Variants in ATP8A2 observed in about 807,000 individuals in gnomAD.
ATP8A2 encodes phospholipid-transporting ATPase IB.
Under a neutral mutation model 165.6 loss-of-function variants are expected in ATP8A2, and 100 were observed. That is an observed-to-expected ratio of 0.60 (90% confidence interval 0.51 to 0.71). ATP8A2 has a LOEUF of 0.71. Ranked by LOEUF, ATP8A2 falls within the 30% of genes least tolerant of loss-of-function variation. The pLI is 0.00. For synonymous variants in ATP8A2, 543 were observed against 548.8 expected (o/e 0.99, Z 0.15); for missense variants, 1,227 against 1,479.5 (o/e 0.83, Z 2.80).
At chr13:25,979,653 G>C (rs573010711) in intron 35 of ATP8A2, among the ~76,000 whole-genome samples, 1 of 152,186 alleles carries the variant, frequency 6.6e-6, no homozygotes, top group Non-Finnish European at 1.5e-5. Context: ...ATGTATCCAC[G>C]CAACAGACAT....
At chr13:25,731,164 A>AGAAG (rs1351709867) in intron 25 of ATP8A2, among the ~76,000 whole-genome samples, 20 of 149,156 alleles carry the variant, frequency 1.3e-4, no homozygotes, top group African/African-American at 5.1e-4. Flanking sequence ...AGAAAGAGAA[A>AGAAG]GAAGGAAGGA....
rs189691970 is a variant in ATP8A2 at position 25,906,598 on chromosome 13, G to A, written c.3183+44190G>A. 5.5e-3 allele frequency among the ~76,000 whole-genome samples: 829 copies of A among 151,894 alleles called. 9 individuals are homozygous for A. The highest frequency in any genetic ancestry group is 0.019 in the African/African-American group (788 of 41,388). Reference sequence around the variant, plus strand: ...CCGCCTTCTCTCTCCCCCTCTTGCCGTATATCTCCTTTCTTTCTCTTCTTG... The same window carrying A: ...CCGCCTTCTCTCTCCCCCTCTTGCCATATATCTCCTTTCTTTCTCTTCTTG... On this transcript the variant is annotated intron_variant, in intron 33 of 36. Transcript: ENST00000381655.
intron 30 of ATP8A2, among the ~76,000 whole-genome samples, chr13:25,841,536 AGTTGACTTC>A (rs1238414620): frequency 6.6e-6 from 1 of 152,238 alleles, no homozygotes; most frequent in Non-Finnish European, 1.5e-5. Context: ...CTTGGTCATT[AGTTGACTTC>A]CCCTAACAAA....
chr13:25,641,198 A>T (rs1195888885), intron 24 of ATP8A2, among the ~76,000 whole-genome samples: 1 of 152,208 alleles, frequency 6.6e-6, no homozygotes, highest in Non-Finnish European at 1.5e-5. Flanking sequence ...CTGGCACAAG[A>T]CAGGGATGCC....
chr13:25,498,977 T>G (rs2036765185), intron 2 of ATP8A2, among the ~76,000 whole-genome samples: 2 of 152,294 alleles, frequency 1.3e-5, no homozygotes, highest in South Asian at 4.1e-4. Context: ...CGTGTTGTTC[T>G]AATCAGTACA....
intron 27 of ATP8A2, among the ~76,000 whole-genome samples, chr13:25,814,601 A>G (rs1950960871): frequency 7.1e-6 from 1 of 141,774 alleles, no homozygotes; most frequent in African/African-American, 2.7e-5. Flanking sequence ...TTTCAACAAG[A>G]GTGCCGAGAG....
chr13:25,573,359 A>C (rs1593561248), intron 18 of ATP8A2, among the ~76,000 whole-genome samples: 1 of 17,764 alleles, frequency 5.6e-5, no homozygotes, highest in Non-Finnish European at 1.8e-4. Flanking sequence ...CTGGTGTTAT[A>C]ATGCTGCATT....
intron 33 of ATP8A2, chr13:25,868,134 A>T (rs772865388): frequency 2.2e-6 from 1 of 456,492 alleles, no homozygotes; most frequent in South Asian, 1.6e-5. Context: ...TAGCTTCCTC[A>T]GCCAAGGAAA....
chr13:25,666,299 T>C (rs1291006859), intron 24 of ATP8A2, among the ~76,000 whole-genome samples: 1 of 152,114 alleles, frequency 6.6e-6, no homozygotes, highest in African/African-American at 2.4e-5. Flanking sequence ...CAACCTATAC[T>C]TCCCAGTTCA....
chr13:25,984,428 A>AC (rs1289728221), intron 35 of ATP8A2, among the ~76,000 whole-genome samples: 1 of 149,916 alleles, frequency 6.7e-6, no homozygotes, highest in African/African-American at 2.5e-5. Context: ...ACGTGGTGAA[A>AC]CCCCACCTCT....
At chr13:25,904,566 C>T (rs1450271511) in intron 33 of ATP8A2, among the ~76,000 whole-genome samples, 1 of 152,218 alleles carries the variant, frequency 6.6e-6, no homozygotes, top group Non-Finnish European at 1.5e-5. Flanking sequence ...CGTGCCCTCC[C>T]TTGCCTTTGC....
chr13:25,946,356 T>C (rs1955209919), intron 33 of ATP8A2, among the ~76,000 whole-genome samples: 1 of 152,102 alleles, frequency 6.6e-6, no homozygotes, highest in Admixed American at 6.5e-5. Flanking sequence ...GGAAATCCAC[T>C]GCATGGAAGG....
At chr13:25,936,999 A>G (rs2139090327) in intron 33 of ATP8A2, among the ~76,000 whole-genome samples, 1 of 152,286 alleles carries the variant, frequency 6.6e-6, no homozygotes, top group South Asian at 2.1e-4. Context: ...AGTGTTTCCA[A>G]GTTACTCTGT....
Position 25,985,984 on chromosome 13 carries a change from G to A in ATP8A2, c.3377+17305G>A, listed in dbSNP as rs180740161. On this transcript the variant is annotated intron_variant, in intron 35 of 36. Coordinates refer to ENST00000381655, the MANE Select transcript of ATP8A2 (RefSeq NM_016529.6). ...CCTCTGAGAATTTCATGAAAGCCAC[G>A]TGCTATATCCCTGTGTGTTAATTTT... Among the ~76,000 whole-genome samples, 5 of 152,346 alleles carry A rather than the reference G, an allele frequency of 3.3e-5. No individual in the cohort carries two copies. In the East Asian group the frequency reaches 9.6e-4, roughly 29 times the overall value.
chr13:25,890,704 G>A (rs1266866425), intron 33 of ATP8A2, among the ~76,000 whole-genome samples: 2 of 152,110 alleles, frequency 1.3e-5, no homozygotes, highest in Non-Finnish European at 2.9e-5. Context: ...GAAAATATTT[G>A]GGAATTCTTT....
intron 24 of ATP8A2, among the ~76,000 whole-genome samples, chr13:25,659,188 C>T (rs528901034): frequency 1.2e-3 from 177 of 152,184 alleles, no homozygotes; most frequent in Non-Finnish European, 2.2e-3. Context: ...TCGTTTGATT[C>T]GAGTTACAGA....
At chr13:25,437,660 G>T (rs1256075505) in intron 1 of ATP8A2, among the ~76,000 whole-genome samples, 2 of 152,108 alleles carry the variant, frequency 1.3e-5, no homozygotes, top group Non-Finnish European at 2.9e-5. Flanking sequence ...ATTCCTGATG[G>T]TAACACCTTA....
At chr13:25,957,346 G>T (rs1470201733) in intron 33 of ATP8A2, among the ~76,000 whole-genome samples, 1 of 152,112 alleles carries the variant, frequency 6.6e-6, no homozygotes, top group African/African-American at 2.4e-5. Flanking sequence ...GAATGGGAGA[G>T]AATGTTTGCA....
chr13:25,768,999 C>T (rs773067066), intron 25 of ATP8A2, 47 bp from the exon 26 acceptor site: 5 of 1,569,486 alleles, frequency 3.2e-6, no homozygotes, highest in East Asian at 2.2e-5. Context: ...CAGCTGTTTC[C>T]TCTGGAAAGA....
Sources: gnomAD v4.1 joint callset for allele counts (sites outside exome capture counted in the v4.1 genomes callset) on GRCh38, gnomAD v4.1.1 for gene constraint, MANE v1.5 for transcripts, NCBI Gene and HGNC (gene_info 2026-07-23, HGNC 2026-07-21) for gene names.